Variants in ARLN observed in about 807,000 individuals in gnomAD.
ARLN encodes sarcoplasmic/endoplasmic reticulum calcium ATPase regulator ARLN.
the ARLN span, chr4:119,300,529 C>A: frequency 6.2e-7 from 1 of 1,614,162 alleles, no homozygotes; most frequent in Non-Finnish European, 8.5e-7. Flanking sequence ...GGTGCGTCCA[C>A]CTCCATCTCG....
chr4:119,298,865 G>A, the ARLN span: 1 of 702,142 alleles, frequency 1.4e-6, no homozygotes, highest in South Asian at 1.7e-5. Flanking sequence ...TTGATAAAAA[G>A]AAAAGCCTAG....
At chr4:119,297,643 A>G in the ARLN span, 3 of 152,360 alleles carry the variant, frequency 2.0e-5, no homozygotes, top group African/African-American at 4.8e-5. Context: ...TTTAATAGAG[A>G]TAGGGTTTCA....
At chr4:119,296,981 C>T in the ARLN span, 1 of 152,206 alleles carries the variant, frequency 6.6e-6, no homozygotes, top group African/African-American at 2.4e-5. Flanking sequence ...TAACAGTAAA[C>T]TATGTGAGAA....
chr4:119,300,753 C>A, the ARLN span: 1 of 1,497,602 alleles, frequency 6.7e-7, no homozygotes, highest in South Asian at 1.3e-5. Context: ...AGCGCGGCCT[C>A]CGCCTTGACA....
chr4:119,299,554 G>A, the ARLN span, among the ~76,000 whole-genome samples: 3 of 152,076 alleles, frequency 2.0e-5, no homozygotes, highest in African/African-American at 7.2e-5. Flanking sequence ...ATCTCCATTT[G>A]GTGTCTGCTT....
chr4:119,300,838 A>G, the ARLN span: 5 of 1,433,020 alleles, frequency 3.5e-6, no homozygotes, highest in Non-Finnish European at 4.6e-6. Flanking sequence ...TTTCGTTGGA[A>G]GAAATACGTT....
At chr4:119,302,693 A>G in the ARLN span, among the ~76,000 whole-genome samples, 2 of 152,244 alleles carry the variant, frequency 1.3e-5, no homozygotes, top group Admixed American at 1.3e-4. Context: ...CAGGGACTAC[A>G]GATTGAATCA....
chr4:119,300,640 C>T, the ARLN span: 4 of 1,577,920 alleles, frequency 2.5e-6, no homozygotes, highest in Admixed American at 1.8e-5. Context: ...GCCGCCTGCG[C>T]AGTGCGCCGC....
chr4:119,303,638 C>A, the ARLN span, among the ~76,000 whole-genome samples: 4,553 of 152,252 alleles, frequency 0.03, 85 homozygotes, highest in Non-Finnish European at 0.042. Context: ...AATCCCAGCA[C>A]TTCGGGAGGC....
At chr4:119,303,682 G>A in the ARLN span, among the ~76,000 whole-genome samples, 5 of 152,174 alleles carry the variant, frequency 3.3e-5, no homozygotes, top group Admixed American at 6.5e-5. Flanking sequence ...CTAGGTGTTC[G>A]AGACAAGCCT....
At chr4:119,303,166 A>G in the ARLN span, among the ~76,000 whole-genome samples, 3 of 151,632 alleles carry the variant, frequency 2.0e-5, no homozygotes, top group Non-Finnish European at 4.4e-5. Flanking sequence ...TTGGTACCAC[A>G]GGTTATTTCT....
At chr4:119,297,414 C>T in the ARLN span, 13 of 152,226 alleles carry the variant, frequency 8.5e-5, no homozygotes, top group African/African-American at 2.9e-4. Flanking sequence ...AAGACCACTT[C>T]TACCATTCCT....
At chr4:119,300,642 G>C in the ARLN span, 1 of 1,576,894 alleles carries the variant, frequency 6.3e-7, no homozygotes, top group Non-Finnish European at 8.6e-7. Flanking sequence ...CGCCTGCGCA[G>C]TGCGCCGCGC....
chr4:119,301,902 A>G, the ARLN span, among the ~76,000 whole-genome samples: 1 of 152,234 alleles, frequency 6.6e-6, no homozygotes, highest in Non-Finnish European at 1.5e-5. Context: ...CAAAGATAGT[A>G]TACGACCTTT....
chr4:119,303,786 A>AATTGGGAGGATC, the ARLN span, among the ~76,000 whole-genome samples: 5 of 152,298 alleles, frequency 3.3e-5, no homozygotes, highest in South Asian at 1.0e-3. Flanking sequence ...CAGGAGGCTG[A>AATTGGGAGGATC]ATTGGGAGGA....
At chr4:119,298,899 T>G in the ARLN span, 1 of 608,458 alleles carries the variant, frequency 1.6e-6, no homozygotes, top group Non-Finnish European at 3.0e-6. Flanking sequence ...AGGCCTCTAT[T>G]TTCTATCCAG....
the ARLN span, among the ~76,000 whole-genome samples, chr4:119,303,363 T>G: frequency 1.3e-5 from 2 of 151,874 alleles, no homozygotes; most frequent in South Asian, 4.2e-4. Flanking sequence ...GCCTCCTGAG[T>G]AGCTGGGATT....
chr4:119,300,821 A>T, the ARLN span: 1 of 1,437,494 alleles, frequency 7.0e-7, no homozygotes, highest in Non-Finnish European at 9.1e-7. Context: ...ATAGCTGGTT[A>T]TTCAGGTTTC....
At chr4:119,300,313 A>G in the ARLN span, 206 of 1,584,814 alleles carry the variant, frequency 1.3e-4, no homozygotes, top group Non-Finnish European at 1.7e-4. Flanking sequence ...TTACCACCCC[A>G]ATTTTGCATT....
Sources: gnomAD v4.1 joint callset for allele counts (sites outside exome capture counted in the v4.1 genomes callset) on GRCh38, gnomAD v4.1.1 for gene constraint, MANE v1.5 for transcripts, NCBI Gene and HGNC (gene_info 2026-07-23, HGNC 2026-07-21) for gene names.